KCNH1: variants seen among roughly 807,000 people sequenced by gnomAD.
KCNH1 encodes the protein voltage-gated delayed rectifier potassium channel KCNH1.
In KCNH1, 27 loss-of-function variants were observed where a neutral mutation model predicts 69.2. The ratio of observed to expected loss-of-function variants is 0.39; its 90% CI spans 0.29 to 0.54. The LOEUF is 0.54. KCNH1 is among the 20% of genes least tolerant of loss of function. The probability of loss-of-function intolerance (pLI) is 0.68; values close to 1 mark genes in which losing one functional copy is unlikely to be tolerated. For synonymous variants in KCNH1, 456 were observed against 487.7 expected (o/e 0.93, Z 0.86); for missense variants, 798 against 1,261.6 (o/e 0.63, Z 5.57).
intron 10 of KCNH1, among the ~76,000 whole-genome samples, chr1:210,772,359 C>T (rs74156071): frequency 0.032 from 4,901 of 152,100 alleles, 262 homozygotes; most frequent in African/African-American, 0.11. Context: ...ACAGCTACAA[C>T]AATACACTTT....
intron 7 of KCNH1, among the ~76,000 whole-genome samples, chr1:210,830,609 T>C (rs1056577124): frequency 5.3e-5 from 8 of 152,068 alleles, no homozygotes; most frequent in Non-Finnish European, 1.0e-4. Context: ...TAAAAAATAT[T>C]TGAAAATAAA....
intron 6 of KCNH1, among the ~76,000 whole-genome samples, chr1:210,964,166 G>T (rs923650112): frequency 2.0e-5 from 3 of 152,146 alleles, no homozygotes; most frequent in African/African-American, 7.2e-5. Flanking sequence ...TTTCAACCCA[G>T]AATTTTATAT....
intron 6 of KCNH1, among the ~76,000 whole-genome samples, chr1:210,994,311 C>A (rs181302929): frequency 6.6e-6 from 1 of 152,150 alleles, no homozygotes; most frequent in South Asian, 2.1e-4. Context: ...TATCTGAATG[C>A]CTATTGTGTG....
chr1:210,877,705 C>A (rs568139731), intron 7 of KCNH1, among the ~76,000 whole-genome samples: 2 of 152,234 alleles, frequency 1.3e-5, no homozygotes, highest in South Asian at 4.2e-4. Flanking sequence ...ATATCTATAG[C>A]CTGTGTACTC....
intron 6 of KCNH1, among the ~76,000 whole-genome samples, chr1:210,974,426 T>C (rs79825402): frequency 0.079 from 11,960 of 152,224 alleles, 663 homozygotes; most frequent in South Asian, 0.18. Context: ...TTTGGTTTGC[T>C]AATATTTCGT....
At chr1:211,047,595 C>T (rs573391544) in intron 5 of KCNH1, among the ~76,000 whole-genome samples, 120 of 152,256 alleles carry the variant, frequency 7.9e-4, no homozygotes, top group African/African-American at 2.8e-3. Context: ...GCCTCAGTTT[C>T]CTCACCTGAA....
At chr1:210,984,455 C>T (rs543817650) in intron 6 of KCNH1, among the ~76,000 whole-genome samples, 2 of 152,216 alleles carry the variant, frequency 1.3e-5, no homozygotes, top group South Asian at 4.2e-4. Context: ...CCCATCAATA[C>T]CTAATTTATT....
chr1:210,926,027 G>C (rs10158086), intron 6 of KCNH1, among the ~76,000 whole-genome samples: 8,447 of 152,268 alleles, frequency 0.055, 379 homozygotes, highest in East Asian at 0.25. Context: ...GGGAGGCCGA[G>C]GTGGGCGGAT....
intron 7 of KCNH1, among the ~76,000 whole-genome samples, chr1:210,895,416 T>C (rs184517829): frequency 6.6e-6 from 1 of 152,324 alleles, no homozygotes; most frequent in African/African-American, 2.4e-5. Flanking sequence ...ATTGCCTCAA[T>C]TACAATGGGG....
chr1:210,859,065 T>A, intron 7 of KCNH1: 8 of 690,850 alleles, frequency 1.2e-5, no homozygotes, highest in Non-Finnish European at 2.0e-5. Flanking sequence ...TTTCTGTCCA[T>A]CTACTGATCA....
intron 7 of KCNH1, among the ~76,000 whole-genome samples, chr1:210,900,086 GT>G (rs372040068): frequency 1.7e-3 from 261 of 152,368 alleles, no homozygotes; most frequent in African/African-American, 5.8e-3. Context: ...CTAAGAACAA[GT>G]GGTAAACAAG....
At chr1:210,954,109 A>G (rs1308600412) in intron 6 of KCNH1, among the ~76,000 whole-genome samples, 1 of 151,502 alleles carries the variant, frequency 6.6e-6, no homozygotes, top group Non-Finnish European at 1.5e-5. Context: ...CTTGTGTCCA[A>G]GTGTTCTCAT....
At chr1:210,874,123 A>G (rs1686313730) in intron 7 of KCNH1, among the ~76,000 whole-genome samples, 1 of 152,208 alleles carries the variant, frequency 6.6e-6, no homozygotes, top group Non-Finnish European at 1.5e-5. Flanking sequence ...AAAGGAGTCA[A>G]AGAAAAAAAA....
In KCNH1 at chr1:210,988,066, G is replaced by T. The variant is rs1688874787; in HGVS notation, c.1032+30717C>A. ...TAGTAATGAGTGAGATTCTGTGGGT[G>T]TAGGACCCTCTGAGCCAGGTGCAGG... On this transcript the variant is annotated intron_variant, in intron 6 of 10. Transcript: ENST00000271751. Among the ~76,000 whole-genome samples the T allele has an allele frequency of 2.0e-5, 3 of 152,362 alleles. 1 individual carries two copies. Among genetic ancestry groups the T allele is most frequent in the South Asian group, 4.1e-4 (2 of 4,832 alleles).
chr1:210,758,661 C>A (rs1242778926), intron 10 of KCNH1, among the ~76,000 whole-genome samples: 1 of 152,176 alleles, frequency 6.6e-6, no homozygotes, highest in Admixed American at 6.5e-5. Flanking sequence ...GGGAGCACCA[C>A]CAAAGCCTGG....
chr1:211,100,071 A>T (rs566759886), intron 3 of KCNH1, among the ~76,000 whole-genome samples: 11 of 152,186 alleles, frequency 7.2e-5, no homozygotes, highest in African/African-American at 2.6e-4. Context: ...TATGTTTCTC[A>T]GGTCAGATTC....
At chr1:211,042,709 T>C (rs549548898) in intron 5 of KCNH1, among the ~76,000 whole-genome samples, 76 of 152,302 alleles carry the variant, frequency 5.0e-4, no homozygotes, top group African/African-American at 1.8e-3. Flanking sequence ...AGATAGACCA[T>C]ATGATAGGCC....
chr1:211,099,740 G>C (rs975568480), intron 3 of KCNH1, among the ~76,000 whole-genome samples: 1 of 152,170 alleles, frequency 6.6e-6, no homozygotes, highest in Non-Finnish European at 1.5e-5. Context: ...CCAGACACTA[G>C]CAAGTTTTAC....
chr1:210,852,109 G>T (rs1250405777), intron 7 of KCNH1, among the ~76,000 whole-genome samples: 1 of 152,262 alleles, frequency 6.6e-6, no homozygotes, highest in African/African-American at 2.4e-5. Flanking sequence ...GCATGATGGA[G>T]AATGAGGCTT....
Sources: allele counts gnomAD v4.1 joint callset (sites outside exome capture counted in the v4.1 genomes callset), GRCh38; gene constraint gnomAD v4.1.1; transcripts MANE v1.5; gene names NCBI Gene and HGNC (gene_info 2026-07-23, HGNC 2026-07-21).